The following NELL2 variants were observed in gnomAD, a reference collection of about 807,000 sequenced individuals.
The protein encoded by NELL2 is neural EGFL like 2, also known as protein kinase C-binding protein NELL2.
In NELL2, 41 loss-of-function variants were observed where a neutral mutation model predicts 109.6. That is an observed-to-expected ratio of 0.37 (90% confidence interval 0.29 to 0.49). NELL2 has a LOEUF of 0.49. Ranked by LOEUF, NELL2 falls within the 20% of genes least tolerant of loss-of-function variation. NELL2 has a pLI of 0.98. For synonymous variants in NELL2, 355 were observed against 344.7 expected (o/e 1.03, Z -0.33); for missense variants, 900 against 1,008.3 (o/e 0.89, Z 1.45).
intron 19 of NELL2, among the ~76,000 whole-genome samples, chr12:44,516,330 T>G (rs1941253992): frequency 6.6e-6 from 1 of 152,130 alleles, no homozygotes; most frequent in East Asian, 1.9e-4. Context: ...GATTATTTCT[T>G]TAGGTTAGAT....
intron 15 of NELL2, among the ~76,000 whole-genome samples, chr12:44,595,942 G>A (rs1944946619): frequency 6.6e-6 from 1 of 152,148 alleles, no homozygotes; most frequent in South Asian, 2.1e-4. Context: ...TTATCATAAA[G>A]CCTTCCCCTG....
chr12:44,901,364 C>G (rs1444854280), intron 1 of NELL2, among the ~76,000 whole-genome samples: 1 of 152,146 alleles, frequency 6.6e-6, no homozygotes, highest in Non-Finnish European at 1.5e-5. Context: ...AGTCGAATCC[C>G]TGAATATATC....
Position 44,876,176 on chromosome 12 carries a change from A to G in NELL2, c.-307T>C. ...CCCGGCGCGGCTCCGTCGGGGAATT[A>G]GCTCCCGAGCCGAATAAAAGCAGCC... On this transcript the variant is annotated 5_prime_UTR_variant, in exon 1 of 20. Coordinates refer to ENST00000429094, the MANE Select transcript of NELL2 (RefSeq NM_001145108.2). The G allele has an allele frequency of 8.0e-7, 1 of 1,244,232 alleles. No individual in the cohort carries two copies. Among genetic ancestry groups the G allele is most frequent in the South Asian group, 2.2e-5 (1 of 45,308 alleles). 77.1% of individuals were successfully genotyped at this position (1,244,232 alleles called of 1,614,324 possible). A position where few individuals can be genotyped will look rare whatever the true frequency, so the allele number is the denominator to read the frequency against.
At chr12:44,697,282 G>A (rs368096748) in intron 12 of NELL2, among the ~76,000 whole-genome samples, 7 of 152,220 alleles carry the variant, frequency 4.6e-5, no homozygotes, top group East Asian at 3.9e-4. Context: ...GAGCCTGACC[G>A]GGCAGCCCAG....
At chr12:44,548,468 C>T (rs1168710337) in intron 15 of NELL2, among the ~76,000 whole-genome samples, 2 of 151,760 alleles carry the variant, frequency 1.3e-5, no homozygotes, top group Non-Finnish European at 2.9e-5. Flanking sequence ...TCGCTTGAAC[C>T]TGGGAGGCGG....
At chr12:44,802,802 A>G (rs1942875681) in intron 3 of NELL2, among the ~76,000 whole-genome samples, 1 of 152,076 alleles carries the variant, frequency 6.6e-6, no homozygotes, top group South Asian at 2.1e-4. Flanking sequence ...ACAAGTGTCA[A>G]TTTTCAATTT....
intron 1 of NELL2, among the ~76,000 whole-genome samples, chr12:44,889,766 C>T (rs767075941): frequency 1.3e-5 from 2 of 152,122 alleles, no homozygotes; most frequent in East Asian, 1.9e-4. Flanking sequence ...TTATTTTATT[C>T]TGCCTCTGCT....
At chr12:44,547,021 A>T (rs1288174256) in intron 15 of NELL2, among the ~76,000 whole-genome samples, 3 of 151,778 alleles carry the variant, frequency 2.0e-5, no homozygotes, top group Non-Finnish European at 2.9e-5. Flanking sequence ...CCTTTTTTTT[A>T]AAAGATTTAT....
intron 13 of NELL2, among the ~76,000 whole-genome samples, chr12:44,626,315 G>A (rs1946261969): frequency 6.6e-6 from 1 of 152,120 alleles, no homozygotes; most frequent in Admixed American, 6.6e-5. Flanking sequence ...TGGCCTCTCT[G>A]TGTTCCTTGA....
chr12:44,710,640 C>T (rs1263873011), intron 11 of NELL2, among the ~76,000 whole-genome samples: 1 of 152,070 alleles, frequency 6.6e-6, no homozygotes, highest in African/African-American at 2.4e-5. Context: ...AAATTCACTG[C>T]CTTCTGGGGT....
At chr12:44,737,792 C>A (rs1220122031) in intron 9 of NELL2, among the ~76,000 whole-genome samples, 3 of 152,000 alleles carry the variant, frequency 2.0e-5, no homozygotes, top group East Asian at 3.9e-4. Flanking sequence ...CATACCTTCC[C>A]CTGGTATCCA....
intron 3 of NELL2, among the ~76,000 whole-genome samples, chr12:44,787,059 T>C (rs187290446): frequency 1.3e-4 from 20 of 152,206 alleles, no homozygotes; most frequent in Admixed American, 1.2e-3. Context: ...CTATCAGAAC[T>C]AATAAGTTAA....
At chr12:44,808,447 A>G (rs2052283443) in intron 3 of NELL2, among the ~76,000 whole-genome samples, 1 of 152,080 alleles carries the variant, frequency 6.6e-6, no homozygotes, top group African/African-American at 2.4e-5. Flanking sequence ...GGGAGGTATT[A>G]AAATACACAA....
rs145541653 is a variant in NELL2, at chr12:44,694,213, G to A, written c.1318+9513C>T. Among the ~76,000 whole-genome samples the A allele has an allele frequency of 1.0e-3, 155 of 152,204 alleles. 2 individuals are homozygous for A. The highest frequency in any genetic ancestry group is 3.5e-3 in the East Asian group (18 of 5,164). On this transcript the variant is annotated intron_variant, in intron 12 of 19. Transcript: ENST00000429094. The stretch of plus-strand genomic sequence containing the variant: ...GTAAAGCAGATTATCCCTCCCTAAC[G>A]TGGGCAGGCCTCATACAATCAATTG...
intron 15 of NELL2, among the ~76,000 whole-genome samples, chr12:44,598,581 G>A (rs1298808981): frequency 6.6e-6 from 1 of 152,054 alleles, no homozygotes; most frequent in East Asian, 1.9e-4. Context: ...TTTAAAACAG[G>A]TGATTTTCTT....
At chr12:44,851,372 C>A (rs185706560) in intron 2 of NELL2, among the ~76,000 whole-genome samples, 1 of 152,140 alleles carries the variant, frequency 6.6e-6, no homozygotes, top group Admixed American at 6.6e-5. Context: ...CATTTCTATG[C>A]ATTTCCTTTC....
chr12:44,744,623 C>T (rs978814322), intron 9 of NELL2, among the ~76,000 whole-genome samples: 29 of 152,162 alleles, frequency 1.9e-4, no homozygotes, highest in Non-Finnish European at 4.0e-4. Flanking sequence ...GGGGATATCA[C>T]CACTGATCCC....
At chr12:44,734,551 C>T (rs1462270186) in intron 9 of NELL2, among the ~76,000 whole-genome samples, 1 of 151,756 alleles carries the variant, frequency 6.6e-6, no homozygotes, top group Admixed American at 6.6e-5. Flanking sequence ...GTCCCCCCTG[C>T]TTTTACTTAT....
chr12:44,545,816 T>C (rs565368275), intron 15 of NELL2, among the ~76,000 whole-genome samples: 2 of 152,238 alleles, frequency 1.3e-5, no homozygotes, highest in South Asian at 4.1e-4. Flanking sequence ...CATTATTAAG[T>C]AGACTGCTCT....
Sources: gnomAD v4.1 joint callset for allele counts (sites outside exome capture counted in the v4.1 genomes callset) on GRCh38, gnomAD v4.1.1 for gene constraint, MANE v1.5 for transcripts, NCBI Gene and HGNC (gene_info 2026-07-23, HGNC 2026-07-21) for gene names.